Variants in NELL1 observed in about 807,000 individuals in gnomAD.
NELL1 encodes neural EGFL like 1, also known as protein kinase C-binding protein NELL1.
NELL1 carries 76 observed loss-of-function variants against 107.4 expected under a neutral mutation model. That is an observed-to-expected ratio of 0.71 (90% CI 0.59 to 0.86). The LOEUF (loss-of-function observed/expected upper bound fraction) is 0.86. Ranked by LOEUF, NELL1 falls within the 40% of genes least tolerant of loss-of-function variation. The pLI is 0.00. For missense variants in NELL1, 1,024 were observed against 1,005.5 expected, an observed-to-expected ratio of 1.02 and a Z score of -0.25; for synonymous variants, 353 against 341.2, an observed-to-expected ratio of 1.03 and a Z score of -0.38.
intron 2 of NELL1, among the ~76,000 whole-genome samples, chr11:20,746,139 C>T (rs1855997422): frequency 6.6e-6 from 1 of 152,178 alleles, no homozygotes; most frequent in African/African-American, 2.4e-5. Context: ...GGGAAGACTT[C>T]TGTAGTCACC....
At chr11:20,746,744 C>T (rs1414217284) in intron 2 of NELL1, among the ~76,000 whole-genome samples, 2 of 152,150 alleles carry the variant, frequency 1.3e-5, no homozygotes, top group Admixed American at 6.6e-5. Flanking sequence ...AGTACACTCA[C>T]CAGTTTTTAC....
chr11:20,858,144 C>T (rs1848916630), intron 4 of NELL1, among the ~76,000 whole-genome samples: 1 of 152,142 alleles, frequency 6.6e-6, no homozygotes, highest in African/African-American at 2.4e-5. Context: ...CTCTACAAGT[C>T]CCTTAGCAGC....
At chr11:20,717,750 A>G (rs1417576221) in intron 2 of NELL1, among the ~76,000 whole-genome samples, 1 of 152,142 alleles carries the variant, frequency 6.6e-6, no homozygotes, top group Non-Finnish European at 1.5e-5. Flanking sequence ...TTCTTTTCAT[A>G]AATTGAAATT....
chr11:20,767,844 C>T (rs1265520151), intron 2 of NELL1, among the ~76,000 whole-genome samples: 2 of 152,116 alleles, frequency 1.3e-5, no homozygotes, highest in African/African-American at 4.8e-5. Flanking sequence ...CTACATGAAG[C>T]CTATATTCTA....
Position 20,774,693 on chromosome 11 carries a change from A to G in NELL1, c.185-8987A>G, listed in dbSNP as rs138120054. The stretch of plus-strand genomic sequence containing the variant: ...ATGCTCAGTAAGGGTTTTTAAAGTT[A>G]AGAATGAATGAACAAATGAATAAAT... On this transcript the variant is annotated intron_variant, in intron 2 of 19. Coordinates refer to ENST00000357134, the MANE Select transcript of NELL1 (RefSeq NM_006157.5). Among the ~76,000 whole-genome samples the G allele has an allele frequency of 1.6e-4, 24 of 152,298 alleles. No individual in the cohort carries two copies. In the East Asian group the frequency reaches 4.6e-3, roughly 29 times the overall value.
chr11:21,391,131 G>A (rs1033103879), intron 15 of NELL1, among the ~76,000 whole-genome samples: 17 of 151,532 alleles, frequency 1.1e-4, no homozygotes, highest in African/African-American at 4.1e-4. Flanking sequence ...AGTTTGAACG[G>A]GTATAGAATT....
At chr11:21,393,180 G>A (rs911321874) in intron 15 of NELL1, among the ~76,000 whole-genome samples, 4 of 151,690 alleles carry the variant, frequency 2.6e-5, no homozygotes, top group African/African-American at 9.7e-5. Flanking sequence ...AGATGCCACA[G>A]AGATGAGCTC....
At chr11:21,098,534 C>T (rs1247814584) in intron 12 of NELL1, among the ~76,000 whole-genome samples, 1 of 152,106 alleles carries the variant, frequency 6.6e-6, no homozygotes, top group African/African-American at 2.4e-5. Flanking sequence ...AGTGAAAACA[C>T]CTACCTGGCT....
At chr11:21,042,180 T>G (rs1432036550) in intron 12 of NELL1, among the ~76,000 whole-genome samples, 2 of 152,182 alleles carry the variant, frequency 1.3e-5, no homozygotes, top group African/African-American at 4.8e-5. Flanking sequence ...AAAACAAAAA[T>G]GGGCATAAAA....
chr11:21,347,622 A>G (rs1850713920), intron 14 of NELL1, among the ~76,000 whole-genome samples: 2 of 152,128 alleles, frequency 1.3e-5, no homozygotes, highest in Non-Finnish European at 2.9e-5. Flanking sequence ...AACAACAACA[A>G]CAAAAGAAAC....
At chr11:20,979,185 T>G (rs1851699940) in intron 12 of NELL1, among the ~76,000 whole-genome samples, 1 of 152,222 alleles carries the variant, frequency 6.6e-6, no homozygotes, top group Non-Finnish European at 1.5e-5. Flanking sequence ...TTTATTTGCT[T>G]TATAAATCTC....
At chr11:21,514,387 G>A (rs866666654) in intron 15 of NELL1, among the ~76,000 whole-genome samples, 1 of 152,104 alleles carries the variant, frequency 6.6e-6, no homozygotes. Context: ...TAGAAATTTT[G>A]TTGCCCTTGT....
intron 15 of NELL1, among the ~76,000 whole-genome samples, chr11:21,429,069 C>G (rs1434757414): frequency 6.6e-6 from 1 of 152,106 alleles, no homozygotes; most frequent in Non-Finnish European, 1.5e-5. Context: ...CATTTTGATT[C>G]TCTGATCCTA....
At chr11:21,076,992 T>G (rs1159686921) in intron 12 of NELL1, among the ~76,000 whole-genome samples, 1 of 152,108 alleles carries the variant, frequency 6.6e-6, no homozygotes, top group African/African-American at 2.4e-5. Flanking sequence ...CCTCTTTTCT[T>G]TATAAATTAC....
intron 3 of NELL1, among the ~76,000 whole-genome samples, chr11:20,799,007 C>T (rs1258210825): frequency 4.9e-5 from 2 of 40,808 alleles, no homozygotes; most frequent in Non-Finnish European, 9.9e-5. Context: ...TGATAAACGT[C>T]ATGGAAGAAA....
intron 2 of NELL1, among the ~76,000 whole-genome samples, chr11:20,740,179 T>A (rs1286097472): frequency 6.6e-6 from 1 of 152,176 alleles, no homozygotes; most frequent in Non-Finnish European, 1.5e-5. Context: ...TGTACACTAT[T>A]ACTGTCCTCA....
intron 15 of NELL1, among the ~76,000 whole-genome samples, chr11:21,426,128 C>A (rs1456541745): frequency 6.6e-6 from 1 of 152,118 alleles, no homozygotes; most frequent in Non-Finnish European, 1.5e-5. Flanking sequence ...TGGTGGAATT[C>A]ATTCTTCCTT....
intron 16 of NELL1, among the ~76,000 whole-genome samples, chr11:21,543,702 T>C (rs1856354424): frequency 6.6e-6 from 1 of 152,004 alleles, no homozygotes; most frequent in African/African-American, 2.4e-5. Context: ...CCTGAAGCTA[T>C]TTAGCATGTG....
intron 12 of NELL1, among the ~76,000 whole-genome samples, chr11:20,983,987 C>T (rs916614211): frequency 1.3e-5 from 2 of 152,136 alleles, no homozygotes; most frequent in Non-Finnish European, 2.9e-5. Context: ...AGTCCCTCTT[C>T]CTGCAGCATT....
Sources: allele counts gnomAD v4.1 joint callset (sites outside exome capture counted in the v4.1 genomes callset), GRCh38; gene constraint gnomAD v4.1.1; transcripts MANE v1.5; gene names NCBI Gene and HGNC (gene_info 2026-07-23, HGNC 2026-07-21).